TBC1D8: variants seen among roughly 807,000 people sequenced by gnomAD.
TBC1D8 encodes TBC1 domain family member 8, also known as BUB2-like protein 1.
A neutral mutation model predicts 118.8 loss-of-function variants in TBC1D8; 65 were observed. The ratio of observed to expected loss-of-function variants is 0.55; its 90% CI spans 0.45 to 0.67. TBC1D8 has a LOEUF of 0.67. TBC1D8 is among the 30% of genes least tolerant of loss of function. TBC1D8 has a pLI of 0.00. For missense variants in TBC1D8, 1,376 were observed against 1,471.2 expected, an observed-to-expected ratio of 0.94 and a Z score of 1.06; for synonymous variants, 566 against 595.8, an observed-to-expected ratio of 0.95 and a Z score of 0.73.
chr2:101,065,653 A>G (rs1470547570), intron 2 of TBC1D8, among the ~76,000 whole-genome samples: 1 of 152,226 alleles, frequency 6.6e-6, no homozygotes, highest in East Asian at 1.9e-4. Flanking sequence ...TTCTCACTAT[A>G]GAGTTTAAGA....
At chr2:101,092,805 A>C (rs1160726015) in intron 1 of TBC1D8, among the ~76,000 whole-genome samples, 1 of 152,168 alleles carries the variant, frequency 6.6e-6, no homozygotes, top group African/African-American at 2.4e-5. Flanking sequence ...TGGTATTTAA[A>C]AGCCAGTACG....
At chr2:101,040,069 A>G (rs1681281579) in intron 6 of TBC1D8, 109 bp downstream of exon 6, 2 of 1,312,022 alleles carry the variant, frequency 1.5e-6, no homozygotes, top group Non-Finnish European at 2.1e-6. Context: ...TTTAGATGGC[A>G]AAACTGTGCC....
intron 17 of TBC1D8, among the ~76,000 whole-genome samples, chr2:101,013,993 T>C (rs1300168841): frequency 1.3e-5 from 2 of 152,200 alleles, no homozygotes; most frequent in East Asian, 1.9e-4. Context: ...AAGTCATTGA[T>C]AGGAAAATCA....
chr2:101,110,980 C>CAA (rs10708630), intron 1 of TBC1D8, among the ~76,000 whole-genome samples: 3 of 87,194 alleles, frequency 3.4e-5, no homozygotes, highest in Admixed American at 1.2e-4. Flanking sequence ...AACTCCATCG[C>CAA]AAAAAAAAAA....
chr2:101,122,411 A>AAAAAAAAAAT (rs1574064494), intron 1 of TBC1D8, among the ~76,000 whole-genome samples: 1 of 138,914 alleles, frequency 7.2e-6, no homozygotes, highest in Non-Finnish European at 1.6e-5. Flanking sequence ...AAAAAAAAAA[A>AAAAAAAAAAT]GCATGGATAA....
chr2:101,051,238 T>C (rs1452468112), intron 4 of TBC1D8, among the ~76,000 whole-genome samples: 1 of 152,210 alleles, frequency 6.6e-6, no homozygotes, highest in African/African-American at 2.4e-5. Context: ...TGTGTCTTTA[T>C]GGTAGACGAT....
intron 1 of TBC1D8, among the ~76,000 whole-genome samples, chr2:101,111,843 G>T (rs1181870277): frequency 1.3e-5 from 2 of 151,444 alleles, no homozygotes; most frequent in African/African-American, 4.9e-5. Flanking sequence ...CAATGCAAAT[G>T]TACATAATGC....
chr2:101,012,110 C>T lies in TBC1D8; in HGVS notation c.2828-570G>A, dbSNP rs555291337. Among the ~76,000 whole-genome samples, 10 of 152,208 alleles carry T rather than the reference C, an allele frequency of 6.6e-5. No homozygotes were observed. The South Asian group carries it at 8.3e-4, about 13-fold the overall frequency. On this transcript the variant is annotated intron_variant, in intron 17 of 19. Coordinates refer to ENST00000409318, the MANE Select transcript of TBC1D8 (RefSeq NM_001330348.2). ...AACTGTCAGAACCCTCATATATTGACGATGGGAATATAAACTGGCTCAGCC... is the reference window on the plus strand; with the variant it reads ...AACTGTCAGAACCCTCATATATTGATGATGGGAATATAAACTGGCTCAGCC...
chr2:101,101,536 C>T (rs1316764527), intron 1 of TBC1D8, among the ~76,000 whole-genome samples: 1 of 152,104 alleles, frequency 6.6e-6, no homozygotes, highest in East Asian at 1.9e-4. Flanking sequence ...ACCCAGAAAT[C>T]CTATTACTGG....
intron 1 of TBC1D8, among the ~76,000 whole-genome samples, chr2:101,095,468 G>A (rs1462575430): frequency 7.5e-6 from 1 of 132,786 alleles, no homozygotes. Context: ...TGTTCTCATT[G>A]TTCAATTCCC....
At position 101,032,495 on chromosome 2, in the gene TBC1D8, G is replaced by T. The variant is rs552439509; in HGVS notation, c.1819-110C>A. On this transcript the variant is annotated intron_variant, in intron 10 of 19. Transcript: ENST00000409318. ...ACAAAAGTAAAGATTTCATAGGTGA[G>T]AGATCCAGCATACACCAACCACACT... 7.2e-5 allele frequency: 62 copies of T among 855,874 alleles called. 1 individual carries two copies. The South Asian group carries it at 7.8e-4, about 11-fold the overall frequency. The allele number at this position is 855,874 out of a possible 1,614,324, so 53.0% of individuals were successfully genotyped here.
intron 1 of TBC1D8, among the ~76,000 whole-genome samples, chr2:101,130,670 A>G (rs1678553047): frequency 6.6e-6 from 1 of 152,244 alleles, no homozygotes; most frequent in African/African-American, 2.4e-5. Flanking sequence ...CATATTTAGA[A>G]GGATTGGCAG....
At chr2:101,023,578 CTT>C in intron 15 of TBC1D8, 1 of 408,774 alleles carries the variant, frequency 2.4e-6, no homozygotes, top group South Asian at 1.9e-5. Context: ...ATTTTTAATA[CTT>C]TCTCAATTCT....
intron 18 of TBC1D8, 39 bp downstream of exon 18, chr2:101,011,412 G>C (rs773401256): frequency 1.3e-6 from 2 of 1,586,600 alleles, no homozygotes; most frequent in Middle Eastern, 1.7e-4. Flanking sequence ...CCACTGCAGT[G>C]GTATGCAGGG....
chr2:101,127,487 C>T (rs1020320451), intron 1 of TBC1D8, among the ~76,000 whole-genome samples: 1 of 152,036 alleles, frequency 6.6e-6, no homozygotes, highest in African/African-American at 2.4e-5. Context: ...AGAGAACAGA[C>T]GTCAGTATGG....
At chr2:101,027,903 A>G (rs1240667093) in intron 14 of TBC1D8, 145 bp downstream of exon 14, 2 of 712,242 alleles carry the variant, frequency 2.8e-6, no homozygotes, top group Non-Finnish European at 4.8e-6. Flanking sequence ...TTGTTTCTAC[A>G]CTACTTCACC....
At chr2:101,139,423 G>A (rs1205547030) in intron 1 of TBC1D8, among the ~76,000 whole-genome samples, 4 of 151,864 alleles carry the variant, frequency 2.6e-5, no homozygotes, top group African/African-American at 4.8e-5. Context: ...CCGCTCCCAC[G>A]CCACATCTGC....
intron 17 of TBC1D8, chr2:101,017,929 C>G: frequency 6.4e-7 from 1 of 1,550,544 alleles, no homozygotes; most frequent in Non-Finnish European, 8.7e-7. Flanking sequence ...AAGAGGAAAG[C>G]AAATGGCATT....
intron 2 of TBC1D8, among the ~76,000 whole-genome samples, chr2:101,061,138 A>G (rs969344962): frequency 1.4e-5 from 2 of 144,812 alleles, no homozygotes; most frequent in Non-Finnish European, 3.0e-5. Flanking sequence ...CAGTGAGCCG[A>G]GATCACGCCA....
Sources: gnomAD v4.1 joint callset for allele counts (sites outside exome capture counted in the v4.1 genomes callset) on GRCh38, gnomAD v4.1.1 for gene constraint, MANE v1.5 for transcripts, NCBI Gene and HGNC (gene_info 2026-07-23, HGNC 2026-07-21) for gene names.